SV2C: variants seen among roughly 807,000 people sequenced by gnomAD.
SV2C encodes the protein solute carrier family 22 member B3.
SV2C carries 49 observed loss-of-function variants against 79.7 expected under a neutral mutation model. That is an observed-to-expected ratio of 0.61 (90% CI 0.49 to 0.78). The LOEUF is 0.78. SV2C is among the 30% of genes least tolerant of loss of function. The pLI, the probability that SV2C is intolerant of heterozygous loss-of-function variation, is 0.00. For synonymous variants in SV2C, 334 were observed against 333.2 expected (o/e 1.00, Z -0.03); for missense variants, 833 against 912.9 (o/e 0.91, Z 1.13).
At chr5:75,877,373 G>A in the SV2C span, among the ~76,000 whole-genome samples, 1 of 151,992 alleles carries the variant, frequency 6.6e-6, no homozygotes, top group Non-Finnish European at 1.5e-5. Context: ...GACAGAACAA[G>A]ATAGAAGATC....
chr5:76,303,646 A>C (rs1410620860), intron 12 of SV2C, among the ~76,000 whole-genome samples: 1 of 152,178 alleles, frequency 6.6e-6, no homozygotes, highest in Non-Finnish European at 1.5e-5. Context: ...GGCTTAAAAA[A>C]AAAAGACCCT....
intron 4 of SV2C, among the ~76,000 whole-genome samples, chr5:76,243,809 G>A (rs574385030): frequency 6.8e-4 from 103 of 152,290 alleles, no homozygotes; most frequent in Middle Eastern, 3.4e-3. Flanking sequence ...CCCTCCTTGG[G>A]TGTGCCCAAT....
chr5:76,296,310 A>G (rs1270915411), intron 9 of SV2C, among the ~76,000 whole-genome samples: 1 of 152,216 alleles, frequency 6.6e-6, no homozygotes, highest in Non-Finnish European at 1.5e-5. Context: ...CACAGAAGAA[A>G]TCTGAAATGT....
At chr5:75,899,198 G>A in the SV2C span, among the ~76,000 whole-genome samples, 1 of 152,052 alleles carries the variant, frequency 6.6e-6, no homozygotes, top group South Asian at 2.1e-4. Context: ...TTTCTCTTGT[G>A]GGCATTTAGT....
intron 1 of SV2C, among the ~76,000 whole-genome samples, chr5:76,104,715 T>C (rs1747853018): frequency 6.6e-6 from 1 of 152,170 alleles, no homozygotes; most frequent in African/African-American, 2.4e-5. Flanking sequence ...GCAGACTATA[T>C]TCCTGAGATG....
the SV2C span, among the ~76,000 whole-genome samples, chr5:75,887,432 C>T: frequency 6.6e-6 from 1 of 151,816 alleles, no homozygotes; most frequent in Admixed American, 6.6e-5. Context: ...TTTTAGATTC[C>T]ACATGTAAGT....
rs376608894 is a variant in SV2C at position 76,295,835 on chromosome 5, A to G, written c.1395A>G (p.Glu465=). 2.0e-5 allele frequency: 32 copies of G among 1,613,556 alleles called. No homozygotes were observed. In the African/African-American group the frequency reaches 4.3e-4, roughly 22 times the overall value. ...TCATTAAACCTCTGCAGTCCGATGA[A>G]TATGCATTGCTAACCAGAAATGTGG... ...PDVIKPLQSD[E]YALLTRNVER... is the part of the protein sequence containing the mutation. Residue 465 remains glutamate, a synonymous_variant, in exon 9 of 13, where the codon GAA becomes GAG. Coordinates refer to ENST00000502798, the MANE Select transcript of SV2C (RefSeq NM_014979.4).
chr5:76,148,337 T>G (rs959082704), intron 2 of SV2C, among the ~76,000 whole-genome samples: 4 of 152,238 alleles, frequency 2.6e-5, no homozygotes, highest in Non-Finnish European at 4.4e-5. Flanking sequence ...ATAAATAGTT[T>G]AAGAGTTTAG....
chr5:76,039,640 C>A, the SV2C span, among the ~76,000 whole-genome samples: 1 of 151,714 alleles, frequency 6.6e-6, no homozygotes, highest in Non-Finnish European at 1.5e-5. Context: ...CCTATAATCC[C>A]AGCTACTCGA....
At chr5:76,008,117 G>A in the SV2C span, among the ~76,000 whole-genome samples, 1 of 152,146 alleles carries the variant, frequency 6.6e-6, no homozygotes, top group African/African-American at 2.4e-5. Flanking sequence ...CAATGACCAA[G>A]AGAAAATGTC....
At chr5:76,063,105 G>A in the SV2C span, among the ~76,000 whole-genome samples, 2 of 152,192 alleles carry the variant, frequency 1.3e-5, no homozygotes, top group South Asian at 4.2e-4. Context: ...ATTAGTTTAT[G>A]TATTCATAAT....
intron 4 of SV2C, among the ~76,000 whole-genome samples, chr5:76,276,329 C>A (rs1747020854): frequency 6.6e-6 from 1 of 152,186 alleles, no homozygotes; most frequent in Non-Finnish European, 1.5e-5. Flanking sequence ...CTCATTCAAG[C>A]CACAGGTTAT....
At chr5:76,242,346 C>T (rs567533223) in intron 4 of SV2C, 69 of 1,403,562 alleles carry the variant, frequency 4.9e-5, no homozygotes, top group East Asian at 3.7e-4. Context: ...CGGGACGCAG[C>T]GGCGCGCGGG....
chr5:75,948,139 T>G, the SV2C span, among the ~76,000 whole-genome samples: 1,810 of 152,178 alleles, frequency 0.012, 36 homozygotes, highest in African/African-American at 0.041. Context: ...CTTATCAAGT[T>G]ACATTGAATT....
intron 4 of SV2C, among the ~76,000 whole-genome samples, chr5:76,225,986 A>G (rs192190461): frequency 5.2e-4 from 79 of 152,312 alleles, no homozygotes; most frequent in Middle Eastern, 3.4e-3. Flanking sequence ...CTGGGGTAAG[A>G]GCAAAGAGTC....
the SV2C span, among the ~76,000 whole-genome samples, chr5:75,971,994 C>T: frequency 3.3e-5 from 5 of 152,032 alleles, no homozygotes; most frequent in Non-Finnish European, 7.3e-5. Flanking sequence ...ACTAATGGAA[C>T]AGAACAGAGC....
intron 4 of SV2C, among the ~76,000 whole-genome samples, chr5:76,222,856 G>A (rs1580365031): frequency 6.6e-6 from 1 of 151,874 alleles, no homozygotes; most frequent in Admixed American, 6.5e-5. Flanking sequence ...TTTTTGAATA[G>A]AGATCCTGTT....
At chr5:76,177,605 G>A (rs546242908) in intron 2 of SV2C, among the ~76,000 whole-genome samples, 109 of 152,316 alleles carry the variant, frequency 7.2e-4, no homozygotes, top group African/African-American at 2.5e-3. Context: ...AACCACTGAA[G>A]GCAAAACCGC....
intron 12 of SV2C, among the ~76,000 whole-genome samples, chr5:76,324,430 G>A (rs997143923): frequency 6.6e-6 from 1 of 152,180 alleles, no homozygotes; most frequent in Non-Finnish European, 1.5e-5. Context: ...ATAAGAGGAG[G>A]TAACCCAGCT....
Sources: allele counts gnomAD v4.1 joint callset (sites outside exome capture counted in the v4.1 genomes callset), GRCh38; gene constraint gnomAD v4.1.1; transcripts MANE v1.5; gene names NCBI Gene and HGNC (gene_info 2026-07-23, HGNC 2026-07-21).